EGFLAM: variants seen among roughly 807,000 people sequenced by gnomAD.
EGFLAM encodes EGF like, fibronectin type III and laminin G domains.
EGFLAM carries 79 observed loss-of-function variants against 113.1 expected under a neutral mutation model. That is an observed-to-expected ratio of 0.70 (90% CI 0.58 to 0.84). EGFLAM has a LOEUF of 0.84. Among genes scored for constraint, EGFLAM ranks in the 40% least tolerant of loss-of-function variants. The pLI is 0.00. For missense variants in EGFLAM, 1,265 were observed against 1,291.6 expected, an observed-to-expected ratio of 0.98 and a Z score of 0.32; for synonymous variants, 504 against 487.6, an observed-to-expected ratio of 1.03 and a Z score of -0.44.
chr5:38,362,244 G>A (rs1739942445), intron 5 of EGFLAM, among the ~76,000 whole-genome samples: 2 of 152,162 alleles, frequency 1.3e-5, no homozygotes, highest in African/African-American at 4.8e-5. Flanking sequence ...AAATGGATAT[G>A]ACTAACTTGA....
intron 6 of EGFLAM, among the ~76,000 whole-genome samples, chr5:38,381,264 CA>C (rs1740504345): frequency 6.6e-6 from 1 of 152,140 alleles, no homozygotes; most frequent in South Asian, 2.1e-4. Context: ...CATTTCTTAG[CA>C]TCTAAATTCT....
intron 3 of EGFLAM, among the ~76,000 whole-genome samples, chr5:38,350,270 T>C (rs1054706539): frequency 3.9e-5 from 6 of 152,212 alleles, no homozygotes; most frequent in African/African-American, 1.2e-4. Context: ...TATCTAGTTC[T>C]AGGACCATGG....
At position 38,422,426 on chromosome 5, in the gene EGFLAM, C is replaced by G. The variant is rs568928447; in HGVS notation, c.1685-2541C>G. ...CCCTCGCCGCCAGGTTCTCTCTTCT[C>G]AGTAGCCCAGGGATTCTTAACCTTT... On this transcript the variant is annotated intron_variant, in intron 12 of 21. Transcript: ENST00000322350. 1.9e-4 allele frequency among the ~76,000 whole-genome samples: 29 copies of G among 152,320 alleles called. 1 individual carries two copies. The South Asian group carries it at 5.6e-3, about 29-fold the overall frequency.
chr5:38,453,815 C>G (rs1051997574), intron 19 of EGFLAM, among the ~76,000 whole-genome samples: 7 of 152,292 alleles, frequency 4.6e-5, no homozygotes, highest in Admixed American at 3.9e-4. Flanking sequence ...CCCTAAACTG[C>G]CAGCTGAATC....
intron 5 of EGFLAM, among the ~76,000 whole-genome samples, chr5:38,367,478 T>G (rs1579827828): frequency 6.6e-6 from 1 of 151,920 alleles, no homozygotes; most frequent in African/African-American, 2.4e-5. Flanking sequence ...CTTGAACCCC[T>G]GGGCTCAAGC....
chr5:38,371,906 A>G (rs1267252745), intron 6 of EGFLAM, among the ~76,000 whole-genome samples: 1 of 152,090 alleles, frequency 6.6e-6, no homozygotes, highest in African/African-American at 2.4e-5. Context: ...TTTGCACTAC[A>G]AAGTGAGCAG....
chr5:38,322,067 C>G (rs941167130), intron 1 of EGFLAM, among the ~76,000 whole-genome samples: 4 of 152,182 alleles, frequency 2.6e-5, no homozygotes, highest in African/African-American at 9.7e-5. Flanking sequence ...AGAACTGCCC[C>G]GCCGAGCCCT....
intron 1 of EGFLAM, among the ~76,000 whole-genome samples, chr5:38,273,893 T>A (rs1378909793): frequency 6.6e-6 from 1 of 152,194 alleles, no homozygotes; most frequent in Non-Finnish European, 1.5e-5. Context: ...GATGGAGCGC[T>A]ATGAACTTCC....
In EGFLAM at chr5:38,258,815, G is replaced by C; in HGVS notation, c.61G>C (p.Gly21Arg). The C allele has an allele frequency of 3.7e-6, 6 of 1,612,404 alleles. No individual in the cohort carries two copies. Among genetic ancestry groups the C allele is most frequent in the East Asian group, 2.2e-5 (1 of 44,816 alleles). Residue 21 changes from glycine to arginine, a missense_variant, in exon 1 of 22, where the codon GGC becomes CGC. Physicochemically the swap from Gly to Arg is moderately radical, Grantham distance 125. Coordinates refer to ENST00000322350, the MANE Select transcript of EGFLAM (RefSeq NM_152403.4). ...GCTCCTGGCTTCCAGCCTCGGACCC[G>C]GCGCGGTGTCGCTCCGAGCGGCCAT... The part of the protein sequence containing the change: ...LLLLASSLGP[G>R]AVSLRAAIRK...
rs567462149 is a variant in EGFLAM, at chr5:38,445,751, G to C, written c.2465-2550G>C. The C allele has an allele frequency of 9.1e-5, 145 of 1,587,630 alleles. 1 individual carries two copies. The Middle Eastern group carries it at 2.0e-3, about 22-fold the overall frequency. ...AAACTGCGAGAGCGCTCTGGGCTGGGGCAGGCCAACCGCATGCAGGGGGAC... is the reference window on the plus strand; with the variant it reads ...AAACTGCGAGAGCGCTCTGGGCTGGCGCAGGCCAACCGCATGCAGGGGGAC... On this transcript the variant is annotated intron_variant, in intron 17 of 21. Transcript: ENST00000322350.
At position 38,464,020 on chromosome 5, in the gene EGFLAM, C is replaced by G. The variant is rs1743383892; in HGVS notation, c.*34C>G. ...GGCCTTGTCCAAGGGACAGAGCCTT[C>G]TATTCTGAGAATCCCAGGGGCCCTC... On this transcript the variant is annotated 3_prime_UTR_variant, in exon 22 of 22. Coordinates refer to ENST00000322350, the MANE Select transcript of EGFLAM (RefSeq NM_152403.4). 6.2e-7 allele frequency: 1 copy of G among 1,613,524 alleles called. No individual in the cohort carries two copies. Among genetic ancestry groups the G allele is most frequent in the Admixed American group, 1.7e-5 (1 of 60,002 alleles).
intron 17 of EGFLAM, among the ~76,000 whole-genome samples, chr5:38,443,400 A>G (rs1189940279): frequency 6.6e-6 from 1 of 152,170 alleles, no homozygotes; most frequent in Non-Finnish European, 1.5e-5. Context: ...TTTTCTGTGG[A>G]TGGTATATCA....
At chr5:38,260,023 G>T (rs543757984) in intron 1 of EGFLAM, among the ~76,000 whole-genome samples, 28 of 152,018 alleles carry the variant, frequency 1.8e-4, no homozygotes, top group African/African-American at 5.6e-4. Context: ...CTTGTTACCT[G>T]CCTTGAAATC....
chr5:38,406,732 A>C, intron 7 of EGFLAM, 96 bp from the exon 8 acceptor site: 1 of 1,202,644 alleles, frequency 8.3e-7, no homozygotes. Flanking sequence ...TTTGGAAGTG[A>C]CCATGTTTTC....
chr5:38,267,152 A>C (rs1403361394), intron 1 of EGFLAM, among the ~76,000 whole-genome samples: 1 of 152,214 alleles, frequency 6.6e-6, no homozygotes, highest in African/African-American at 2.4e-5. Context: ...TTATCTAAAG[A>C]CACTTGACAA....
chr5:38,304,661 C>T (rs1758681632), intron 1 of EGFLAM, among the ~76,000 whole-genome samples: 1 of 152,190 alleles, frequency 6.6e-6, no homozygotes, highest in African/African-American at 2.4e-5. Flanking sequence ...ACAAAGTTTA[C>T]AATGAGTTTT....
At chr5:38,396,449 A>G (rs1422688979) in intron 6 of EGFLAM, among the ~76,000 whole-genome samples, 9 of 152,214 alleles carry the variant, frequency 5.9e-5, no homozygotes, top group Admixed American at 5.2e-4. Flanking sequence ...GGGTCTTTCA[A>G]CTAACATTTA....
chr5:38,361,172 CA>C (rs1238967793), intron 5 of EGFLAM, among the ~76,000 whole-genome samples: 1 of 151,974 alleles, frequency 6.6e-6, no homozygotes, highest in Non-Finnish European at 1.5e-5. Flanking sequence ...TCCCTGGCCA[CA>C]AGTCTTTATG....
At chr5:38,461,311 A>C (rs559718742) in intron 20 of EGFLAM, 4 of 152,346 alleles carry the variant, frequency 2.6e-5, no homozygotes, top group African/African-American at 9.6e-5. Flanking sequence ...ATGGTCTTGC[A>C]TTCTAATGGG....
Sources: allele counts gnomAD v4.1 joint callset (sites outside exome capture counted in the v4.1 genomes callset), GRCh38; gene constraint gnomAD v4.1.1; transcripts MANE v1.5; gene names NCBI Gene and HGNC (gene_info 2026-07-23, HGNC 2026-07-21).